Variants in ATP5F1A observed in about 807,000 individuals in gnomAD.
ATP5F1A encodes ATP synthase F(1) complex subunit alpha, mitochondrial.
ATP5F1A carries 24 observed loss-of-function variants against 57.4 expected under a neutral mutation model. That is an observed-to-expected ratio of 0.42 (90% CI 0.30 to 0.59). ATP5F1A has a LOEUF of 0.59. ATP5F1A is among the 20% of genes least tolerant of loss of function. The pLI is 0.19. For missense variants in ATP5F1A, 494 were observed against 707.9 expected, an observed-to-expected ratio of 0.70 and a Z score of 3.43; for synonymous variants, 251 against 255.5, an observed-to-expected ratio of 0.98 and a Z score of 0.17.
chr18:46,087,398 C>T lies in ATP5F1A; in HGVS notation c.894G>A (p.Glu298=), dbSNP rs1159279185. 1 of 1,614,164 alleles carries T rather than the reference C, an allele frequency of 6.2e-7. No homozygotes were observed. The highest frequency in any genetic ancestry group is 1.7e-4 in the Middle Eastern group (1 of 6,054). The part of the protein sequence containing the change: ...LAPYSGCSMG[E]YFRDNGKHAL... ...CATGTTTGCCATTGTCTCTAAAATACTCTCCCATGGAACAGCCAGAGTAAG... is the reference window on the plus strand; with the variant it reads ...CATGTTTGCCATTGTCTCTAAAATATTCTCCCATGGAACAGCCAGAGTAAG... The change falls in exon 7 of 12, where the codon GAG becomes GAA. Residue 298 remains glutamate, a synonymous_variant. Coordinates refer to ENST00000398752, the MANE Select transcript of ATP5F1A (RefSeq NM_004046.6).
rs1425393745 is a variant in ATP5F1A at position 46,088,359 on chromosome 18, G to A, written c.651-102C>T. The A allele has an allele frequency of 3.6e-6, 4 of 1,099,054 alleles. No individual in the cohort carries two copies. The East Asian group carries it at 1.0e-4, about 28-fold the overall frequency. 68.1% of individuals were successfully genotyped at this position (1,099,054 alleles called of 1,614,324 possible). On this transcript the variant is annotated intron_variant, in intron 5 of 11. Transcript: ENST00000398752. ...GACTGTTACTGTGTCTATGCAGAAAGAAGAAGACATAAGAAACTCCATTTT... is the reference window on the plus strand; with the variant it reads ...GACTGTTACTGTGTCTATGCAGAAAAAAGAAGACATAAGAAACTCCATTTT...
rs1413025232 is a variant in ATP5F1A at position 46,081,968 on chromosome 18, C to G, written c.*2314G>C. 6.7e-6 allele frequency: 1 copy of G among 150,060 alleles called. No homozygotes were observed. Among genetic ancestry groups the G allele is most frequent in the African/African-American group, 2.5e-5 (1 of 40,754 alleles). 9.3% of individuals were successfully genotyped at this position (150,060 alleles called of 1,614,324 possible). ...GATGGATAAGAATGAAGTTTCGGTA[C>G]AGCAAATCCCCATCAACAAAATAAA... is the stretch of plus-strand genomic sequence containing the variant. On this transcript the variant is annotated 3_prime_UTR_variant, in exon 12 of 12. Transcript: ENST00000398752.
chr18:46,084,917 T>C (rs768218951), intron 10 of ATP5F1A: 130 of 326,326 alleles, frequency 4.0e-4, no homozygotes, highest in Non-Finnish European at 8.2e-5. Context: ...CTGACAGTGT[T>C]AATACTGTTT....
intron 2 of ATP5F1A, among the ~76,000 whole-genome samples, chr18:46,093,712 C>T (rs1910728280): frequency 6.6e-6 from 1 of 151,518 alleles, no homozygotes; most frequent in African/African-American, 2.4e-5. Context: ...TAATCCTAGC[C>T]ACTAGGGAAG....
Position 46,087,336 on chromosome 18 carries a change from T to G in ATP5F1A, c.951+5A>C. 6.2e-7 allele frequency: 1 copy of G among 1,613,884 alleles called. No homozygotes were observed. Among genetic ancestry groups the G allele is most frequent in the Non-Finnish European group, 8.5e-7 (1 of 1,179,932 alleles). The stretch of plus-strand genomic sequence containing the variant: ...AATGGATTCTAAAAATTTATTTCCT[T>G]TGACCTGTTTGGATAAGTCGTCATA... On this transcript the variant is annotated splice_donor_5th_base_variant and intron_variant, in intron 7 of 11. Coordinates refer to ENST00000398752, the MANE Select transcript of ATP5F1A (RefSeq NM_004046.6).
In ATP5F1A at chr18:46,083,655, A is replaced by C. The variant is rs1909885761; in HGVS notation, c.*627T>G. ...GCCTGCCACATATATCCAGTTTAGG[A>C]ATTTCTCTTAAACACAAAGTACTCT... On this transcript the variant is annotated 3_prime_UTR_variant, in exon 12 of 12. Transcript: ENST00000398752. The C allele has an allele frequency of 6.6e-6, 1 of 152,050 alleles. No homozygotes were observed. Among genetic ancestry groups the C allele is most frequent in the African/African-American group, 2.4e-5 (1 of 41,366 alleles). 9.4% of individuals were successfully genotyped at this position (152,050 alleles called of 1,614,324 possible). A position where few individuals can be genotyped will look rare whatever the true frequency, so the allele number is the denominator to read the frequency against.
chr18:46,100,467 AG>A (rs958428661), upstream of ATP5F1A, among the ~76,000 whole-genome samples: 6 of 152,144 alleles, frequency 3.9e-5, no homozygotes, highest in African/African-American at 1.4e-4. Flanking sequence ...AAATATAGCC[AG>A]GAACAGTGGC....
At position 46,082,547 on chromosome 18, in the gene ATP5F1A, G is replaced by A. The variant is rs1909821291; in HGVS notation, c.*1735C>T. ...AAAAATACAAAAATTAGCAGGGCAT[G>A]GTGGTGGGTGCCTGTAGTTCCAGCT... is the stretch of plus-strand genomic sequence containing the variant. On this transcript the variant is annotated 3_prime_UTR_variant, in exon 12 of 12. Coordinates refer to ENST00000398752, the MANE Select transcript of ATP5F1A (RefSeq NM_004046.6). 6.6e-6 allele frequency: 1 copy of A among 151,976 alleles called. No individual in the cohort carries two copies. The highest frequency in any genetic ancestry group is 1.5e-5 in the Non-Finnish European group (1 of 68,050). The allele number at this position is 151,976 out of a possible 1,614,324, so 9.4% of individuals were successfully genotyped here.
At chr18:46,101,441 T>C (rs1911272219), upstream of ATP5F1A, among the ~76,000 whole-genome samples, 1 of 152,064 alleles carries the variant, frequency 6.6e-6, no homozygotes, top group Non-Finnish European at 1.5e-5. Context: ...GGTGCACACC[T>C]GTAACCCCAG....
At chr18:46,098,696 CAACAGTGAACAGCTA>C (rs1336873972), upstream of ATP5F1A, among the ~76,000 whole-genome samples, 1 of 152,080 alleles carries the variant, frequency 6.6e-6, no homozygotes, top group East Asian at 1.9e-4. Context: ...GCACGAGTAG[CAACAGTGAACAGCTA>C]AACCCCGGGA....
At chr18:46,086,056 TG>T in intron 10 of ATP5F1A, 56 bp downstream of exon 10, 2 of 1,578,054 alleles carry the variant, frequency 1.3e-6, no homozygotes, top group Non-Finnish European at 1.7e-6. Context: ...TCTGTAGGCC[TG>T]GGAAGACCCT....
At position 46,089,833 on chromosome 18, in the gene ATP5F1A, A is replaced by G. The variant is rs753313821; in HGVS notation, c.473T>C (p.Ile158Thr). 6 of 1,610,810 alleles carry G rather than the reference A, an allele frequency of 3.7e-6. No individual in the cohort carries two copies. The highest frequency in any genetic ancestry group is 2.5e-6 in the Non-Finnish European group (3 of 1,178,600). The change falls in exon 4 of 12, where the codon ATT becomes ACT. Residue 158 changes from isoleucine (I) to threonine (T), a missense_variant. By Grantham distance (89) the Ile-to-Thr change is moderately conservative (BLOSUM62 -1). This residue lies in a region of ATP5F1A where 191 missense variants were observed against 267.7 expected (regional missense o/e 0.71). Transcript: ENST00000398752. ...GRVVDALGNA[I>T]DGKGPIGSKT... ...GAACATTAAACCTACCTTTCCATCAATAGCATTACCAAGGGCATCAACTAC... is the reference window on the plus strand; with the variant it reads ...GAACATTAAACCTACCTTTCCATCAGTAGCATTACCAAGGGCATCAACTAC...
At chr18:46,093,710 G>C (rs1411132950) in intron 2 of ATP5F1A, among the ~76,000 whole-genome samples, 2 of 151,942 alleles carry the variant, frequency 1.3e-5, no homozygotes, top group Non-Finnish European at 2.9e-5. Flanking sequence ...TGTAATCCTA[G>C]CCACTAGGGA....
intron 3 of ATP5F1A, among the ~76,000 whole-genome samples, chr18:46,090,269 T>A (rs1439258180): frequency 6.6e-6 from 1 of 152,154 alleles, no homozygotes. Flanking sequence ...AGCAAAGAAA[T>A]TGGACAGGTT....
intron 6 of ATP5F1A, 112 bp from the exon 7 acceptor site, chr18:46,087,604 G>A (rs1910213210): frequency 7.9e-7 from 1 of 1,268,408 alleles, no homozygotes; most frequent in Non-Finnish European, 1.1e-6. Flanking sequence ...ATCAGGCCAG[G>A]CGCAGTGGCT....
Position 46,094,203 on chromosome 18 carries a change from T to TCA in ATP5F1A, c.139+848_139+849dup, listed in dbSNP as rs1211268195. On this transcript the variant is annotated intron_variant, in intron 2 of 11. Transcript: ENST00000398752. ...CACACACACATATACACACACACTC[T>TCA]CACACACATATATATTTAACCTTTA... Among the ~76,000 whole-genome samples, 26 of 139,788 alleles carry TCA rather than the reference T, an allele frequency of 1.9e-4. No homozygotes were observed. The East Asian group carries it at 5.9e-3, about 32-fold the overall frequency. The allele number at this position is 139,788 out of a possible 152,430, so 91.7% of individuals were successfully genotyped here.
chr18:46,094,530 G>A (rs751400697), intron 2 of ATP5F1A, among the ~76,000 whole-genome samples: 55 of 152,108 alleles, frequency 3.6e-4, no homozygotes, highest in Non-Finnish European at 7.2e-4. Context: ...AGCCGGGCAT[G>A]GTGGTGCATG....
At chr18:46,096,304 C>T (rs899069383) in intron 1 of ATP5F1A, among the ~76,000 whole-genome samples, 1 of 151,486 alleles carries the variant, frequency 6.6e-6, no homozygotes, top group Non-Finnish European at 1.5e-5. Flanking sequence ...AGTTGGAGAC[C>T]AGCCTGACCA....
At chr18:46,085,978 G>A in intron 10 of ATP5F1A, 135 bp downstream of exon 10, 2 of 952,250 alleles carry the variant, frequency 2.1e-6, no homozygotes, top group Non-Finnish European at 1.5e-6. Flanking sequence ...TGTAGTTTAA[G>A]TAAAAGTGCC....
Sources: gnomAD v4.1 joint callset for allele counts (sites outside exome capture counted in the v4.1 genomes callset) on GRCh38, gnomAD v4.1.1 for gene constraint, gnomAD v4.1.1 regional missense constraint, MANE v1.5 for transcripts, NCBI Gene and HGNC (gene_info 2026-07-23, HGNC 2026-07-21) for gene names.